The following PEAK1 variants were observed in gnomAD, a reference collection of about 807,000 sequenced individuals.
The protein encoded by PEAK1 is inactive tyrosine-protein kinase PEAK1.
In PEAK1, 54 loss-of-function variants were observed where a neutral mutation model predicts 124.7. The observed-to-expected ratio is 0.43, with a 90% CI of 0.35 to 0.54. The LOEUF (loss-of-function observed/expected upper bound fraction) is 0.54, where lower values mean the gene tolerates loss of function less well. PEAK1 is among the 20% of genes least tolerant of loss of function. The pLI is 0.01. For synonymous variants in PEAK1, 719 were observed against 760.0 expected (o/e 0.95, Z 0.89); for missense variants, 2,046 against 2,134.5 (o/e 0.96, Z 0.82).
intron 1 of PEAK1, among the ~76,000 whole-genome samples, chr15:77,377,734 T>A (rs2069144299): frequency 6.6e-6 from 1 of 152,180 alleles, no homozygotes. Context: ...CCTCCCAAAG[T>A]GCTGGGATTA....
At chr15:77,290,826 A>G (rs1308028642) in intron 2 of PEAK1, among the ~76,000 whole-genome samples, 1 of 152,210 alleles carries the variant, frequency 6.6e-6, no homozygotes, top group Non-Finnish European at 1.5e-5. Flanking sequence ...GAAAGCATTC[A>G]CCCTAATACC....
In PEAK1 at chr15:77,181,838, G is replaced by A. The variant is rs763796402; in HGVS notation, c.89C>T (p.Pro30Leu). ...CFKPKSLHQL[P>L]PDPEKAPITH... ...GATGGGTGCCTTCTCAGGGTCTGGG[G>A]GAAGCTGGTGCAAACTTTTAGGTTT... is the stretch of plus-strand genomic sequence containing the variant. Residue 30 changes from proline to leucine, a missense_variant, in exon 7 of 10, where the codon CCC becomes CTC. Pro to Leu is a moderately conservative substitution (Grantham distance 98, BLOSUM62 -3). Coordinates refer to ENST00000682557, the MANE Select transcript of PEAK1 (RefSeq NM_001385026.1). 7.4e-6 allele frequency: 12 copies of A among 1,613,702 alleles called. No homozygotes were observed. Among genetic ancestry groups the A allele is most frequent in the Non-Finnish European group, 9.3e-6 (11 of 1,179,692 alleles).
Position 77,181,950 on chromosome 15 carries a change from C to G in PEAK1, c.-24G>C, listed in dbSNP as rs371309142. On this transcript the variant is annotated 5_prime_UTR_variant, in exon 7 of 10. Coordinates refer to ENST00000682557, the MANE Select transcript of PEAK1 (RefSeq NM_001385026.1). ...ATTTTTAAAAATAGAACTTCACAGA[C>G]AATGCTTTTCTTTCAGTGCATGACA... 5 of 1,526,202 alleles carry G rather than the reference C, an allele frequency of 3.3e-6. No individual in the cohort carries two copies. Among genetic ancestry groups the G allele is most frequent in the African/African-American group, 1.4e-5 (1 of 71,926 alleles). The allele number at this position is 1,526,202 out of a possible 1,614,324, so 94.5% of individuals were successfully genotyped here. A position where few individuals can be genotyped will look rare whatever the true frequency, so the allele number is the denominator to read the frequency against.
intron 1 of PEAK1, among the ~76,000 whole-genome samples, chr15:77,377,011 T>C (rs1242242435): frequency 1.3e-5 from 2 of 152,218 alleles, no homozygotes; most frequent in African/African-American, 2.4e-5. Context: ...AGAGAGCCTA[T>C]GGCTCCTAGA....
intron 8 of PEAK1, among the ~76,000 whole-genome samples, chr15:77,145,067 C>G (rs1157444486): frequency 6.6e-6 from 1 of 152,194 alleles, no homozygotes; most frequent in Admixed American, 6.5e-5. Context: ...TTCTTTTGGA[C>G]AAATATGTTT....
At chr15:77,324,922 T>C (rs753482774) in intron 2 of PEAK1, among the ~76,000 whole-genome samples, 3 of 151,376 alleles carry the variant, frequency 2.0e-5, no homozygotes, top group Non-Finnish European at 4.4e-5. Context: ...ATTCAAACCA[T>C]AACAAACAAC....
At chr15:77,105,357 T>TGTGTGTGC (rs1555407960), downstream of PEAK1, 5 of 85,404 alleles carry the variant, frequency 5.9e-5, no homozygotes, top group East Asian at 3.1e-4. Context: ...TGTGTGTGTG[T>TGTGTGTGC]GCGCGCGTGC....
chr15:77,322,095 C>A (rs548651084), intron 2 of PEAK1, among the ~76,000 whole-genome samples: 1 of 152,184 alleles, frequency 6.6e-6, no homozygotes, highest in Admixed American at 6.5e-5. Context: ...AACAAAGACA[C>A]AACATACCAG....
At chr15:77,339,385 C>T (rs915298236) in intron 2 of PEAK1, among the ~76,000 whole-genome samples, 6 of 151,910 alleles carry the variant, frequency 3.9e-5, no homozygotes, top group Non-Finnish European at 7.4e-5. Context: ...TTGATAAAGC[C>T]ATTTGGTAAG....
intron 1 of PEAK1, among the ~76,000 whole-genome samples, chr15:77,406,142 G>A (rs769222978): frequency 3.3e-5 from 5 of 152,064 alleles, no homozygotes; most frequent in Non-Finnish European, 5.9e-5. Context: ...GGAAACGAAC[G>A]AGCTCTTTTA....
chr15:77,158,515 A>G lies in PEAK1; in HGVS notation c.3319T>C (p.Tyr1107His). ...PMDPNPCSAT[Y>H]SNLGQSRAAM... is the part of the protein sequence containing the mutation. ...CATTTGCACTTACCTAAGTTGCTGTATGTTGCACTACAAGGGTTCGGGTCC... is the reference window on the plus strand; with the variant it reads ...CATTTGCACTTACCTAAGTTGCTGTGTGTTGCACTACAAGGGTTCGGGTCC... Residue 1107 changes from tyrosine (Y) to histidine (H), a missense_variant, in exon 8 of 10, where the codon TAC (tyrosine) becomes CAC (histidine). Physicochemically the swap from Tyr to His is moderately conservative, Grantham distance 83. Coordinates refer to ENST00000682557, the MANE Select transcript of PEAK1 (RefSeq NM_001385026.1). 1 of 1,614,084 alleles carries G rather than the reference A, an allele frequency of 6.2e-7. No individual in the cohort carries two copies. Among genetic ancestry groups the G allele is most frequent in the Non-Finnish European group, 8.5e-7 (1 of 1,179,912 alleles).
intron 6 of PEAK1, among the ~76,000 whole-genome samples, chr15:77,230,654 T>C (rs2059871618): frequency 6.6e-6 from 1 of 151,888 alleles, no homozygotes; most frequent in Admixed American, 6.6e-5. Context: ...TCCCACCAAT[T>C]TGGAAAGCAA....
At chr15:77,160,053 A>G (rs2152788375) in intron 7 of PEAK1, among the ~76,000 whole-genome samples, 1 of 152,024 alleles carries the variant, frequency 6.6e-6, no homozygotes, top group East Asian at 1.9e-4. Flanking sequence ...AGAGAGTAGT[A>G]TATATAAAGG....
intron 1 of PEAK1, among the ~76,000 whole-genome samples, chr15:77,390,525 C>T (rs906097537): frequency 3.9e-5 from 6 of 152,146 alleles, no homozygotes; most frequent in Non-Finnish European, 8.8e-5. Flanking sequence ...GTAAAACTCC[C>T]AGAACATCAG....
At chr15:77,221,605 A>G (rs1167083955) in intron 6 of PEAK1, among the ~76,000 whole-genome samples, 1 of 152,126 alleles carries the variant, frequency 6.6e-6, no homozygotes, top group Non-Finnish European at 1.5e-5. Context: ...ATCCTGGAAC[A>G]CATGTGCTGT....
At chr15:77,167,943 T>A (rs367723659) in intron 7 of PEAK1, among the ~76,000 whole-genome samples, 1 of 152,096 alleles carries the variant, frequency 6.6e-6, no homozygotes, top group Non-Finnish European at 1.5e-5. Flanking sequence ...TGTCTCCAAG[T>A]GTTCTCATTG....
intron 2 of PEAK1, among the ~76,000 whole-genome samples, chr15:77,340,063 T>G (rs965836000): frequency 6.6e-6 from 1 of 152,200 alleles, no homozygotes; most frequent in African/African-American, 2.4e-5. Flanking sequence ...ATGCAGTAAC[T>G]TCAGAAGATA....
intron 1 of PEAK1, among the ~76,000 whole-genome samples, chr15:77,378,188 T>TTATATATATATA (rs758426465): frequency 0.025 from 3,243 of 129,586 alleles, 43 homozygotes; most frequent in Non-Finnish European, 0.035. Context: ...TATAACAATA[T>TTATATATATATA]TATATATATA....
At position 77,178,925 on chromosome 15, in the gene PEAK1, C is replaced by T. The variant is rs1277455375; in HGVS notation, c.3002G>A (p.Ser1001Asn). 3.1e-6 allele frequency: 5 copies of T among 1,614,012 alleles called. No individual in the cohort carries two copies. In the Admixed American group the frequency reaches 8.3e-5, roughly 27 times the overall value. The change falls in exon 7 of 10, where the codon AGT (serine) becomes AAT (asparagine). Residue 1001 changes from serine to asparagine, a missense_variant. Physicochemically the swap from Ser to Asn is conservative, Grantham distance 46. Coordinates refer to ENST00000682557, the MANE Select transcript of PEAK1 (RefSeq NM_001385026.1). The part of the protein sequence containing the change: ...YRCDPAQGQL[S>N]VDQSKARTDQ... ...TGTCCTAGCCTTGCTCTGATCCACA[C>T]TGAGCTGGCCTTGAGCAGGGTCGCA...
Sources: allele counts gnomAD v4.1 joint callset (sites outside exome capture counted in the v4.1 genomes callset), GRCh38; gene constraint gnomAD v4.1.1; transcripts MANE v1.5; gene names NCBI Gene and HGNC (gene_info 2026-07-23, HGNC 2026-07-21).